EPB41: variants seen among roughly 807,000 people sequenced by gnomAD.
EPB41 encodes the protein protein 4.1.
Under a neutral mutation model 108.0 loss-of-function variants are expected in EPB41, and 65 were observed. That is an observed-to-expected ratio of 0.60 (90% CI 0.49 to 0.74). The LOEUF is 0.74. EPB41 is among the 30% of genes least tolerant of loss of function. The pLI is 0.00. For synonymous variants in EPB41, 336 were observed against 358.9 expected, an observed-to-expected ratio of 0.94 and a Z score of 0.72; for missense variants, 875 against 1,037.0, an observed-to-expected ratio of 0.84 and a Z score of 2.15.
chr1:28,943,261 A>G (rs571067313), intron 1 of EPB41, among the ~76,000 whole-genome samples: 2 of 152,346 alleles, frequency 1.3e-5, no homozygotes, highest in African/African-American at 4.8e-5. Context: ...AATTTGTGAA[A>G]GATTCGAATA....
intron 10 of EPB41, among the ~76,000 whole-genome samples, chr1:29,036,676 AT>A (rs201679138): frequency 0.14 from 16,223 of 115,920 alleles, 1,113 homozygotes; most frequent in African/African-American, 0.26. Context: ...TGTGAAGCTG[AT>A]TTTTTTTTTT....
chr1:29,092,482 A>G (rs1416587910), intron 16 of EPB41, among the ~76,000 whole-genome samples: 1 of 152,206 alleles, frequency 6.6e-6, no homozygotes, highest in Non-Finnish European at 1.5e-5. Flanking sequence ...AGTGGCTTAT[A>G]TACAGCTCTC....
intron 1 of EPB41, among the ~76,000 whole-genome samples, chr1:28,967,764 C>A (rs1209901807): frequency 6.6e-6 from 1 of 151,644 alleles, no homozygotes; most frequent in East Asian, 1.9e-4. Context: ...AGCCACTGAA[C>A]CCAGCCTTTT....
chr1:28,901,597 G>A (rs1431091727), intron 1 of EPB41, among the ~76,000 whole-genome samples: 3 of 151,424 alleles, frequency 2.0e-5, no homozygotes, highest in Non-Finnish European at 2.9e-5. Context: ...GCAGTGGTGC[G>A]ATCTTGGCTC....
intron 12 of EPB41, among the ~76,000 whole-genome samples, chr1:29,055,006 C>T (rs1404959631): frequency 1.3e-5 from 2 of 151,872 alleles, no homozygotes; most frequent in Non-Finnish European, 2.9e-5. Flanking sequence ...CCACTGCACT[C>T]CAGCCTGAGT....
At chr1:28,914,984 G>C (rs1193390577) in intron 1 of EPB41, among the ~76,000 whole-genome samples, 1 of 152,142 alleles carries the variant, frequency 6.6e-6, no homozygotes. Flanking sequence ...GGGCGGGCCA[G>C]AGCCGCTGAG....
intron 4 of EPB41, among the ~76,000 whole-genome samples, chr1:29,010,027 C>T (rs2096472698): frequency 6.6e-6 from 1 of 152,032 alleles, no homozygotes; most frequent in Non-Finnish European, 1.5e-5. Flanking sequence ...GAAGGGACAC[C>T]TTACTCCTTT....
chr1:29,049,102 C>G (rs1644043920), intron 11 of EPB41, among the ~76,000 whole-genome samples: 3 of 152,100 alleles, frequency 2.0e-5, no homozygotes, highest in Admixed American at 2.0e-4. Flanking sequence ...CATTCCCTTC[C>G]TCTTCTGTTA....
intron 17 of EPB41, among the ~76,000 whole-genome samples, chr1:29,105,210 T>C (rs959504505): frequency 2.0e-5 from 3 of 152,182 alleles, no homozygotes; most frequent in African/African-American, 4.8e-5. Context: ...AGTAGAAGTA[T>C]ACAGTAGTAC....
intron 1 of EPB41, among the ~76,000 whole-genome samples, chr1:28,907,000 T>C (rs2091887761): frequency 6.6e-6 from 1 of 151,764 alleles, no homozygotes; most frequent in Admixed American, 6.6e-5. Context: ...CTCAATCTCC[T>C]GACCTCATGA....
At chr1:28,968,311 C>T (rs1408684558) in intron 1 of EPB41, among the ~76,000 whole-genome samples, 3 of 152,022 alleles carry the variant, frequency 2.0e-5, no homozygotes, top group Non-Finnish European at 4.4e-5. Context: ...GCCGAGATCA[C>T]ACCACTGCAC....
chr1:28,960,799 G>A (rs2095178448), intron 1 of EPB41, among the ~76,000 whole-genome samples: 1 of 151,782 alleles, frequency 6.6e-6, no homozygotes, highest in African/African-American at 2.4e-5. Flanking sequence ...TTGGGAGGCC[G>A]AGGCGGGTGG....
chr1:29,094,666 G>A (rs1335596202), intron 16 of EPB41, among the ~76,000 whole-genome samples: 1 of 152,122 alleles, frequency 6.6e-6, no homozygotes, highest in East Asian at 1.9e-4. Flanking sequence ...TCTTTTTGTG[G>A]CAAGGTTATT....
chr1:28,904,027 C>T (rs189581570), intron 1 of EPB41, among the ~76,000 whole-genome samples: 36 of 151,988 alleles, frequency 2.4e-4, no homozygotes, highest in Admixed American at 2.1e-3. Flanking sequence ...CCACTGCACC[C>T]GGCTGATTTT....
intron 16 of EPB41, among the ~76,000 whole-genome samples, chr1:29,076,950 A>G (rs748571294): frequency 2.0e-5 from 3 of 152,190 alleles, no homozygotes; most frequent in Non-Finnish European, 4.4e-5. Context: ...TTGCCAATCT[A>G]TAACCTTTGT....
intron 16 of EPB41, among the ~76,000 whole-genome samples, chr1:29,093,164 C>A (rs920988651): frequency 6.6e-6 from 1 of 152,218 alleles, no homozygotes; most frequent in African/African-American, 2.4e-5. Context: ...TTTACATTCC[C>A]ACCAACAGTG....
At chr1:28,905,144 A>T (rs2091684661) in intron 1 of EPB41, among the ~76,000 whole-genome samples, 1 of 151,886 alleles carries the variant, frequency 6.6e-6, no homozygotes, top group Admixed American at 6.6e-5. Context: ...GGTTGCAGTG[A>T]GGCGAGATTG....
At chr1:28,998,062 A>T (rs1208086281) in intron 4 of EPB41, among the ~76,000 whole-genome samples, 1 of 152,236 alleles carries the variant, frequency 6.6e-6, no homozygotes, top group Non-Finnish European at 1.5e-5. Flanking sequence ...TAAGGTAGAC[A>T]TGGTCCCTGC....
chr1:29,076,485 A>G (rs1443214990), intron 16 of EPB41, among the ~76,000 whole-genome samples: 1 of 152,156 alleles, frequency 6.6e-6, no homozygotes, highest in East Asian at 1.9e-4. Flanking sequence ...TCAGTGTTAT[A>G]TTTTGAGGAA....
Sources: gnomAD v4.1 joint callset for allele counts (sites outside exome capture counted in the v4.1 genomes callset) on GRCh38, gnomAD v4.1.1 for gene constraint, MANE v1.5 for transcripts, NCBI Gene and HGNC (gene_info 2026-07-23, HGNC 2026-07-21) for gene names.